Variants in MAPK10 observed in about 807,000 individuals in gnomAD.
MAPK10 encodes mitogen-activated protein kinase 10, also known as JNK3 alpha protein kinase.
MAPK10 carries 25 observed loss-of-function variants against 59.3 expected under a neutral mutation model. The ratio of observed to expected loss-of-function variants is 0.42; its 90% CI spans 0.31 to 0.59. MAPK10 has a LOEUF of 0.59. Ranked by LOEUF, MAPK10 falls within the 20% of genes least tolerant of loss-of-function variation. The pLI is 0.15. For synonymous variants in MAPK10, 190 were observed against 200.5 expected (o/e 0.95, Z 0.44); for missense variants, 351 against 568.9 (o/e 0.62, Z 3.90).
At chr4:86,341,127 A>C (rs957882849) in intron 2 of MAPK10, among the ~76,000 whole-genome samples, 2 of 152,190 alleles carry the variant, frequency 1.3e-5, no homozygotes, top group Admixed American at 6.5e-5. Context: ...CTTAGCCAAA[A>C]CCCGCAGGAA....
chr4:86,102,355 G>T (rs1487883120), intron 6 of MAPK10: 1 of 228,406 alleles, frequency 4.4e-6, no homozygotes, highest in Non-Finnish European at 8.6e-6. Flanking sequence ...ATTAAGGACA[G>T]CTTCTTCCAT....
upstream of MAPK10, among the ~76,000 whole-genome samples, chr4:86,360,667 CT>C (rs144155837): frequency 1.5e-4 from 22 of 148,950 alleles, no homozygotes; most frequent in South Asian, 2.1e-4. Context: ...CATCAGAATT[CT>C]TTTTTTTTTA....
intron 11 of MAPK10, 60 bp downstream of exon 11, chr4:86,064,206 G>A: frequency 6.2e-7 from 1 of 1,603,564 alleles, no homozygotes; most frequent in Non-Finnish European, 8.5e-7. Flanking sequence ...GTCCTATTCA[G>A]TTTTTGCTAT....
chr4:86,474,067 A>T (rs1752878838), intron 1 of MAPK10, among the ~76,000 whole-genome samples: 1 of 152,354 alleles, frequency 6.6e-6, no homozygotes, highest in East Asian at 1.9e-4. Context: ...CACAAATGGG[A>T]TCATGCACCA....
At chr4:86,293,772 C>G (rs547600399) in intron 2 of MAPK10, among the ~76,000 whole-genome samples, 2 of 152,120 alleles carry the variant, frequency 1.3e-5, no homozygotes, top group African/African-American at 4.8e-5. Context: ...AGGTGCCACA[C>G]GCTTTTAAAT....
intron 1 of MAPK10, among the ~76,000 whole-genome samples, chr4:86,462,250 G>A (rs901541196): frequency 6.6e-6 from 1 of 152,146 alleles, no homozygotes; most frequent in African/African-American, 2.4e-5. Flanking sequence ...ATTTAAAAGG[G>A]GTACAAGTAC....
chr4:86,493,901 C>A (rs911071258), intron 1 of MAPK10, among the ~76,000 whole-genome samples: 3 of 152,094 alleles, frequency 2.0e-5, no homozygotes, highest in African/African-American at 7.2e-5. Flanking sequence ...GAGAGACAGC[C>A]CAGCCATCTC....
intron 2 of MAPK10, among the ~76,000 whole-genome samples, chr4:86,280,567 A>G (rs1003702610): frequency 6.6e-6 from 1 of 152,180 alleles, no homozygotes; most frequent in Non-Finnish European, 1.5e-5. Flanking sequence ...AACTAAAGAT[A>G]GAACTACCAT....
chr4:86,330,885 T>C (rs1385616875), intron 2 of MAPK10, among the ~76,000 whole-genome samples: 1 of 152,254 alleles, frequency 6.6e-6, no homozygotes, highest in Non-Finnish European at 1.5e-5. Flanking sequence ...AATTAAAATA[T>C]GTTCAACATA....
intron 11 of MAPK10, among the ~76,000 whole-genome samples, chr4:86,036,878 T>C (rs2040417980): frequency 6.6e-6 from 1 of 152,196 alleles, no homozygotes; most frequent in Non-Finnish European, 1.5e-5. Context: ...TACATAGCAA[T>C]GTTGTGACAT....
At chr4:86,029,073 A>G in intron 13 of MAPK10, 124 bp downstream of exon 13, 1 of 769,576 alleles carries the variant, frequency 1.3e-6, no homozygotes. Context: ...TTATAAGGAC[A>G]CAACCATGTG....
intron 2 of MAPK10, among the ~76,000 whole-genome samples, chr4:86,330,817 T>C (rs2096135121): frequency 6.6e-6 from 1 of 152,238 alleles, no homozygotes; most frequent in Non-Finnish European, 1.5e-5. Context: ...TATAGGTTAA[T>C]TTGACATAGT....
intron 3 of MAPK10, among the ~76,000 whole-genome samples, chr4:86,175,337 G>A (rs1049497270): frequency 6.6e-6 from 1 of 152,108 alleles, no homozygotes; most frequent in Non-Finnish European, 1.5e-5. Context: ...CTAAAGCCAT[G>A]TTTTCATTCA....
At chr4:86,387,463 T>C (rs1212812585) in intron 1 of MAPK10, among the ~76,000 whole-genome samples, 1 of 152,248 alleles carries the variant, frequency 6.6e-6, no homozygotes, top group African/African-American at 2.4e-5. Flanking sequence ...GTGCAAGGCA[T>C]AATATTTATC....
At chr4:86,071,897 A>T (rs1239197487) in intron 9 of MAPK10, among the ~76,000 whole-genome samples, 2 of 134,562 alleles carry the variant, frequency 1.5e-5, no homozygotes, top group Non-Finnish European at 3.2e-5. Flanking sequence ...TTCCATATGA[A>T]CTTTAAAGTA....
intron 1 of MAPK10, among the ~76,000 whole-genome samples, chr4:86,494,793 A>G (rs1437295396): frequency 1.6e-5 from 2 of 128,152 alleles, no homozygotes; most frequent in Non-Finnish European, 1.6e-5. Flanking sequence ...CAGTGAGCTG[A>G]GATCGTGCCA....
At chr4:86,548,341 A>G (rs1759441214) in intron 1 of MAPK10, among the ~76,000 whole-genome samples, 1 of 151,984 alleles carries the variant, frequency 6.6e-6, no homozygotes, top group Non-Finnish European at 1.5e-5. Context: ...AGAACGAACA[A>G]ACTCCGGACA....
intron 1 of MAPK10, among the ~76,000 whole-genome samples, chr4:86,392,611 A>C (rs1742381328): frequency 6.6e-6 from 1 of 152,358 alleles, no homozygotes; most frequent in Middle Eastern, 3.4e-3. Context: ...AAAAAAGAAA[A>C]AAAAAAGGAG....
At chr4:86,134,969 T>G (rs1392513582) in intron 4 of MAPK10, among the ~76,000 whole-genome samples, 2 of 152,196 alleles carry the variant, frequency 1.3e-5, no homozygotes, top group Non-Finnish European at 2.9e-5. Context: ...AATACTGCGC[T>G]TTTCCGACGG....
Sources: allele counts gnomAD v4.1 joint callset (sites outside exome capture counted in the v4.1 genomes callset), GRCh38; gene constraint gnomAD v4.1.1; transcripts MANE v1.5; gene names NCBI Gene and HGNC (gene_info 2026-07-23, HGNC 2026-07-21).